Variants in SUGCT observed in about 807,000 individuals in gnomAD.
SUGCT encodes succinyl-CoA:glutarate-CoA transferase.
SUGCT carries 41 observed loss-of-function variants against 55.0 expected under a neutral mutation model. That is an observed-to-expected ratio of 0.74 (90% CI 0.58 to 0.97). SUGCT has a LOEUF of 0.97. Among genes scored for constraint, SUGCT ranks in the 50% least tolerant of loss-of-function variants. SUGCT has a pLI of 0.00. For synonymous variants in SUGCT, 187 were observed against 200.4 expected, an observed-to-expected ratio of 0.93 and a Z score of 0.56; for missense variants, 568 against 547.8, an observed-to-expected ratio of 1.04 and a Z score of -0.37.
the SUGCT span, among the ~76,000 whole-genome samples, chr7:40,898,496 G>GGGGGGGGGGT: frequency 5.9e-5 from 6 of 101,872 alleles, no homozygotes; most frequent in Non-Finnish European, 1.4e-4. Context: ...GGGGGGGGGG[G>GGGGGGGGGGT]GTGGATCACG....
At chr7:40,209,853 T>G (rs1423929970) in intron 6 of SUGCT, among the ~76,000 whole-genome samples, 1 of 152,106 alleles carries the variant, frequency 6.6e-6, no homozygotes, top group African/African-American at 2.4e-5. Context: ...AAAATTTCAA[T>G]CCAAGAAATG....
intron 12 of SUGCT, among the ~76,000 whole-genome samples, chr7:40,605,798 A>C (rs1798502651): frequency 6.6e-6 from 1 of 152,228 alleles, no homozygotes; most frequent in African/African-American, 2.4e-5. Context: ...TGTTTGAAAG[A>C]TACTTGTATG....
At chr7:40,238,196 G>C (rs942461957) in intron 7 of SUGCT, among the ~76,000 whole-genome samples, 1 of 152,080 alleles carries the variant, frequency 6.6e-6, no homozygotes, top group Non-Finnish European at 1.5e-5. Flanking sequence ...GAAAAATATA[G>C]GTAGTTATGT....
At chr7:40,868,018 T>G in the SUGCT span, among the ~76,000 whole-genome samples, 1 of 152,184 alleles carries the variant, frequency 6.6e-6, no homozygotes, top group African/African-American at 2.4e-5. Context: ...AGATTACAAG[T>G]TCTATGAGAC....
chr7:41,030,443 C>T, the SUGCT span, among the ~76,000 whole-genome samples: 1 of 152,130 alleles, frequency 6.6e-6, no homozygotes, highest in Non-Finnish European at 1.5e-5. Flanking sequence ...GCAGTGATAA[C>T]ATACAGTCTG....
intron 12 of SUGCT, among the ~76,000 whole-genome samples, chr7:40,665,680 G>C (rs1235488025): frequency 6.6e-6 from 1 of 151,534 alleles, no homozygotes; most frequent in Non-Finnish European, 1.5e-5. Flanking sequence ...CTATAGAGTG[G>C]GGACCAAAAC....
At chr7:40,582,549 C>G (rs1172402034) in intron 12 of SUGCT, among the ~76,000 whole-genome samples, 1 of 152,096 alleles carries the variant, frequency 6.6e-6, no homozygotes, top group Non-Finnish European at 1.5e-5. Context: ...CTATTTTTAC[C>G]TGTACTGAAG....
intron 12 of SUGCT, among the ~76,000 whole-genome samples, chr7:40,657,986 T>C (rs1194518090): frequency 6.6e-6 from 1 of 152,154 alleles, no homozygotes; most frequent in Non-Finnish European, 1.5e-5. Context: ...GACACAACAG[T>C]ACCAAGGAAA....
intron 9 of SUGCT, among the ~76,000 whole-genome samples, chr7:40,405,919 G>A (rs1259172263): frequency 6.6e-6 from 1 of 152,012 alleles, no homozygotes; most frequent in Non-Finnish European, 1.5e-5. Context: ...ACCACACAGT[G>A]CGTTCTTCTT....
At chr7:40,854,103 C>A (rs891359297) in intron 13 of SUGCT, among the ~76,000 whole-genome samples, 2 of 152,176 alleles carry the variant, frequency 1.3e-5, no homozygotes, top group Non-Finnish European at 2.9e-5. Flanking sequence ...TAAAATCTTG[C>A]CATATTTTGG....
intron 12 of SUGCT, among the ~76,000 whole-genome samples, chr7:40,624,772 A>AACACACACAC (rs71791486): frequency 1.1e-3 from 148 of 137,392 alleles, no homozygotes; most frequent in African/African-American, 3.7e-3. Flanking sequence ...TTTCTGTGCA[A>AACACACACAC]ACACACACAC....
At chr7:40,340,826 G>A (rs1007571355) in intron 9 of SUGCT, among the ~76,000 whole-genome samples, 4 of 148,020 alleles carry the variant, frequency 2.7e-5, no homozygotes, top group Non-Finnish European at 4.4e-5. Context: ...GGGTGCTCAC[G>A]GGGAAAAAAG....
intron 8 of SUGCT, among the ~76,000 whole-genome samples, chr7:40,296,594 G>A (rs560601308): frequency 1.3e-5 from 2 of 151,006 alleles, no homozygotes; most frequent in South Asian, 2.1e-4. Context: ...GGAAGGGAGA[G>A]AGACAGAGTG....
chr7:40,993,573 T>C, the SUGCT span, among the ~76,000 whole-genome samples: 1 of 152,220 alleles, frequency 6.6e-6, no homozygotes, highest in South Asian at 2.1e-4. Context: ...CAGCTTCATC[T>C]GCAGTTTCCT....
At chr7:40,512,915 C>T (rs1366696539) in intron 12 of SUGCT, among the ~76,000 whole-genome samples, 1 of 152,068 alleles carries the variant, frequency 6.6e-6, no homozygotes, top group African/African-American at 2.4e-5. Flanking sequence ...CAAATTGTAG[C>T]ACCATATACT....
At chr7:40,432,439 G>A (rs1404299935) in intron 9 of SUGCT, among the ~76,000 whole-genome samples, 2 of 152,062 alleles carry the variant, frequency 1.3e-5, no homozygotes, top group African/African-American at 2.4e-5. Flanking sequence ...TGTAATCCCA[G>A]CACTTTGGGA....
At chr7:40,514,610 T>C (rs1793130825) in intron 12 of SUGCT, among the ~76,000 whole-genome samples, 1 of 146,490 alleles carries the variant, frequency 6.8e-6, no homozygotes, top group African/African-American at 2.5e-5. Flanking sequence ...CTTTGGAGGC[T>C]GAGGCAGGAG....
Position 40,477,261 on chromosome 7 carries a change from A to G in SUGCT, c.986+18063A>G, listed in dbSNP as rs551351447. 7.3e-4 allele frequency among the ~76,000 whole-genome samples: 111 copies of G among 152,294 alleles called. No homozygotes were observed. The South Asian group carries it at 8.7e-3, about 12-fold the overall frequency. On this transcript the variant is annotated intron_variant, in intron 11 of 13. Coordinates refer to ENST00000335693, the MANE Select transcript of SUGCT (RefSeq NM_001193313.2). The stretch of plus-strand genomic sequence containing the variant: ...AATAGAGATATCATCTTTAGGAGTC[A>G]TTTAAAGGAAATGAATAATTTAAAG...
In SUGCT at chr7:40,282,393, G is replaced by C. The variant is rs982513409; in HGVS notation, c.720+7737G>C. 2.6e-5 allele frequency among the ~76,000 whole-genome samples: 4 copies of C among 151,982 alleles called. No individual in the cohort carries two copies. The East Asian group carries it at 7.8e-4, about 30-fold the overall frequency. Reference sequence around the variant, plus strand: ...TGAGGCACAAGAATCGCTTGAACCCGGGAGGTGGAGGTTGCAGTGAGCTGA... The same window carrying C: ...TGAGGCACAAGAATCGCTTGAACCCCGGAGGTGGAGGTTGCAGTGAGCTGA... On this transcript the variant is annotated intron_variant, in intron 8 of 13. Transcript: ENST00000335693.
Sources: gnomAD v4.1 joint callset for allele counts (sites outside exome capture counted in the v4.1 genomes callset) on GRCh38, gnomAD v4.1.1 for gene constraint, MANE v1.5 for transcripts, NCBI Gene and HGNC (gene_info 2026-07-23, HGNC 2026-07-21) for gene names.